TRIM5: variants seen among roughly 807,000 people sequenced by gnomAD.
TRIM5 encodes tripartite motif containing 5, also known as tripartite motif-containing protein 5.
TRIM5 carries 31 observed loss-of-function variants against 35.6 expected under a neutral mutation model. The ratio of observed to expected loss-of-function variants is 0.87; its 90% CI spans 0.65 to 1.18. The LOEUF is 1.18. TRIM5 is among the 50% of genes most tolerant of loss of function. The pLI, the probability that TRIM5 is intolerant of heterozygous loss-of-function variation, is 0.00. For missense variants in TRIM5, 609 were observed against 591.6 expected (o/e 1.03, Z -0.31); for synonymous variants, 243 against 215.6 (o/e 1.13, Z -1.11).
the TRIM5 span, chr11:5,641,209 A>G: frequency 6.2e-7 from 1 of 1,613,756 alleles, no homozygotes; most frequent in Non-Finnish European, 8.5e-7. Context: ...GGTGGCCAGG[A>G]GTGGTGCTTG....
At chr11:5,656,346 GAACA>G in the TRIM5 span, among the ~76,000 whole-genome samples, 1 of 138,838 alleles carries the variant, frequency 7.2e-6, no homozygotes, top group Non-Finnish European at 1.6e-5. Flanking sequence ...CGAAGGATAT[GAACA>G]GACACTTTTT....
At chr11:5,642,969 A>G in the TRIM5 span, 1 of 1,427,534 alleles carries the variant, frequency 7.0e-7, no homozygotes, top group East Asian at 2.5e-5. Context: ...TGCTAAATAC[A>G]TTTCTCCAGT....
the TRIM5 span, among the ~76,000 whole-genome samples, chr11:5,592,205 G>A: frequency 6.6e-6 from 1 of 152,174 alleles, no homozygotes; most frequent in South Asian, 2.1e-4. Flanking sequence ...TATATGCACA[G>A]CAAAATTCAT....
chr11:5,680,094 C>T lies in TRIM5; in HGVS notation c.84G>A (p.Leu28=), dbSNP rs1590277351. Residue 28 remains leucine (L), a synonymous_variant, in exon 2 of 8, where the codon CTG becomes CTA. Coordinates refer to ENST00000380034, the MANE Select transcript of TRIM5 (RefSeq NM_033034.3). Reference sequence around the variant, plus strand: ...CTTGGCAGAAGCTGTGGCCGCAGTCCAGGCTCAGGGGTTGTGTCAGGAGTT... The same window carrying T: ...CTTGGCAGAAGCTGTGGCCGCAGTCTAGGCTCAGGGGTTGTGTCAGGAGTT... ...CLELLTQPLS[L]DCGHSFCQAC... 6.2e-7 allele frequency: 1 copy of T among 1,614,116 alleles called. No homozygotes were observed. Among genetic ancestry groups the T allele is most frequent in the South Asian group, 1.1e-5 (1 of 91,080 alleles).
chr11:5,614,040 C>CTT, the TRIM5 span, among the ~76,000 whole-genome samples: 1 of 152,110 alleles, frequency 6.6e-6, no homozygotes, highest in Non-Finnish European at 1.5e-5. Context: ...CAATCTGAGA[C>CTT]TTGGGGACAA....
intron 7 of TRIM5, 59 bp from the exon 8 acceptor site, chr11:5,665,454 G>A: frequency 6.5e-7 from 1 of 1,544,750 alleles, no homozygotes; most frequent in Non-Finnish European, 8.7e-7. Flanking sequence ...TGTGATATGA[G>A]AGAAATCTTG....
At chr11:5,640,865 G>A in the TRIM5 span, among the ~76,000 whole-genome samples, 2 of 152,094 alleles carry the variant, frequency 1.3e-5, no homozygotes, top group Non-Finnish European at 2.9e-5. Context: ...GTTCTTTAAT[G>A]TGTATTGATA....
chr11:5,611,541 C>A, the TRIM5 span: 22 of 530,948 alleles, frequency 4.1e-5, no homozygotes, highest in Non-Finnish European at 5.9e-5. Context: ...GCAACCTCTG[C>A]CTCCTGGGTT....
chr11:5,683,177 A>T (rs971269101), intron 1 of TRIM5, among the ~76,000 whole-genome samples: 3 of 152,146 alleles, frequency 2.0e-5, no homozygotes, highest in African/African-American at 7.2e-5. Context: ...ACCATGCCTG[A>T]GCCTCCCCAC....
chr11:5,645,967 G>A, the TRIM5 span: 7 of 123,250 alleles, frequency 5.7e-5, no homozygotes, highest in South Asian at 2.6e-4. Flanking sequence ...ATTAATATGT[G>A]TATGTATTTA....
At chr11:5,600,773 C>T in the TRIM5 span, among the ~76,000 whole-genome samples, 1 of 152,118 alleles carries the variant, frequency 6.6e-6, no homozygotes, top group African/African-American at 2.4e-5. Context: ...CTGCTCCCTA[C>T]GCACTGTGGC....
chr11:5,644,569 C>G, the TRIM5 span, among the ~76,000 whole-genome samples: 1 of 151,510 alleles, frequency 6.6e-6, no homozygotes, highest in Non-Finnish European at 1.5e-5. Flanking sequence ...TGTTTTTTTT[C>G]TTTTTTATTG....
At chr11:5,622,649 G>T in the TRIM5 span, among the ~76,000 whole-genome samples, 1 of 151,782 alleles carries the variant, frequency 6.6e-6, no homozygotes, top group Non-Finnish European at 1.5e-5. Flanking sequence ...AAAAAAAACC[G>T]GAAAAAACTC....
intron 5 of TRIM5, among the ~76,000 whole-genome samples, chr11:5,667,434 C>T (rs1851229090): frequency 6.6e-6 from 1 of 152,146 alleles, no homozygotes; most frequent in Non-Finnish European, 1.5e-5. Context: ...GTCTCAAACT[C>T]CTGATCTTCC....
the TRIM5 span, chr11:5,604,726 T>G: frequency 7.7e-7 from 1 of 1,305,248 alleles, no homozygotes; most frequent in South Asian, 1.6e-5. Flanking sequence ...TGTCCTCTGA[T>G]GCCATGACTA....
the TRIM5 span, among the ~76,000 whole-genome samples, chr11:5,623,808 T>A: frequency 6.6e-6 from 1 of 152,190 alleles, no homozygotes; most frequent in East Asian, 1.9e-4. Context: ...GGGAAAGTTG[T>A]TAAACTTCCA....
the TRIM5 span, among the ~76,000 whole-genome samples, chr11:5,657,675 AAT>A: frequency 6.3e-4 from 75 of 118,990 alleles, no homozygotes; most frequent in East Asian, 1.3e-3. Context: ...TTTATAATAT[AAT>A]ATATATATAT....
chr11:5,607,207 A>AC, the TRIM5 span, among the ~76,000 whole-genome samples: 5 of 152,122 alleles, frequency 3.3e-5, no homozygotes, highest in Non-Finnish European at 5.9e-5. Flanking sequence ...CCATCTCAAA[A>AC]AAAAAAAATA....
At chr11:5,605,310 G>T in the TRIM5 span, 1 of 1,613,490 alleles carries the variant, frequency 6.2e-7, no homozygotes, top group Non-Finnish European at 8.5e-7. Flanking sequence ...CCGACTAGCA[G>T]CCTCTTTTTC....
Sources: allele counts gnomAD v4.1 joint callset (sites outside exome capture counted in the v4.1 genomes callset), GRCh38; gene constraint gnomAD v4.1.1; transcripts MANE v1.5; gene names NCBI Gene and HGNC (gene_info 2026-07-23, HGNC 2026-07-21).